Variants in OR2L2 observed in about 807,000 individuals in gnomAD.
OR2L2 encodes olfactory receptor 2L2.
For missense variants in OR2L2, 378 were observed against 375.2 expected, an observed-to-expected ratio of 1.01 and a Z score of -0.06; for synonymous variants, 156 against 135.4, an observed-to-expected ratio of 1.15 and a Z score of -1.06.
intron 1 of OR2L2, among the ~76,000 whole-genome samples, chr1:248,031,047 A>G (rs138447613): frequency 0.01 from 1,536 of 152,340 alleles, 77 homozygotes; most frequent in Admixed American, 0.081. Flanking sequence ...ATGTTTTTAA[A>G]TAGGCTTAAA....
chr1:248,030,864 A>T (rs1451067399), intron 1 of OR2L2, among the ~76,000 whole-genome samples: 1 of 152,184 alleles, frequency 6.6e-6, no homozygotes, highest in East Asian at 1.9e-4. Flanking sequence ...TCATGCTGGT[A>T]TCATTCCATT....
At chr1:248,037,252 C>T (rs975955968) in intron 2 of OR2L2, among the ~76,000 whole-genome samples, 4 of 152,200 alleles carry the variant, frequency 2.6e-5, no homozygotes, top group African/African-American at 7.2e-5. Context: ...AATTATTATG[C>T]AAAGACAATT....
rs1425766144 is a variant in OR2L2, at chr1:248,038,369, C to T, written c.102C>T (p.Phe34=). The change falls in exon 3 of 3, where the codon TTC becomes TTT. Residue 34 remains phenylalanine (F), a synonymous_variant. Transcript: ENST00000641771. ...TATTCACCCTCATTTTTCTCATTTT[C>T]CTAATGGCTCTAATTGGAAATCTAT... is the stretch of plus-strand genomic sequence containing the variant. The part of the protein sequence containing the change: ...LFVFTLIFLI[F]LMALIGNLSM... The T allele has an allele frequency of 4.3e-6, 7 of 1,613,290 alleles. No homozygotes were observed. The Admixed American group carries it at 8.3e-5, about 19-fold the overall frequency.
At chr1:248,033,622 T>G (rs1220289931) in intron 1 of OR2L2, among the ~76,000 whole-genome samples, 1 of 124,306 alleles carries the variant, frequency 8.0e-6, no homozygotes, top group African/African-American at 2.9e-5. Flanking sequence ...TTTTTTTTTT[T>G]GTACAGACAG....
At chr1:248,030,472 C>T (rs1423596874) in intron 1 of OR2L2, among the ~76,000 whole-genome samples, 1 of 152,062 alleles carries the variant, frequency 6.6e-6, no homozygotes, top group Non-Finnish European at 1.5e-5. Context: ...AAATGATGGT[C>T]AATGGAAGAG....
intron 2 of OR2L2, 93 bp from the exon 3 acceptor site, chr1:248,038,154 C>T: frequency 1.4e-6 from 1 of 727,178 alleles, no homozygotes. Flanking sequence ...AGTATCAACC[C>T]CAGTTTCAGG....
rs1401988091 is a variant in OR2L2, at chr1:248,041,010, CTAATT to C, written c.*1808_*1812del. On this transcript the variant is annotated 3_prime_UTR_variant, in exon 3 of 3. Transcript: ENST00000641771. ...CAAATGTTTATGACTTTCTTCTCCT[CTAATT>C]TAAATTAAGTAGAATTTTCTCATCA... The C allele has an allele frequency of 2.0e-5, 3 of 152,074 alleles. No homozygotes were observed. Among genetic ancestry groups the C allele is most frequent in the Admixed American group, 2.0e-4 (3 of 15,264 alleles). The allele number at this position is 152,074 out of a possible 1,614,324, so 9.4% of individuals were successfully genotyped here. A position where few individuals can be genotyped will look rare whatever the true frequency, so the allele number is the denominator to read the frequency against.
In OR2L2 at chr1:248,039,924, A is replaced by C. The variant is rs1662896436; in HGVS notation, c.*718A>C. Reference sequence around the variant, plus strand: ...GGAGCAGCCAATTTGGCTTTAGAAAAACAAGAGTTTCTGTATAAGAAGTTC... The same window carrying C: ...GGAGCAGCCAATTTGGCTTTAGAAACACAAGAGTTTCTGTATAAGAAGTTC... On this transcript the variant is annotated 3_prime_UTR_variant, in exon 3 of 3. Coordinates refer to ENST00000641771, the MANE Select transcript of OR2L2 (RefSeq NM_001385855.1). 6.6e-6 allele frequency: 1 copy of C among 152,196 alleles called. No homozygotes were observed. The highest frequency in any genetic ancestry group is 2.1e-4 in the South Asian group (1 of 4,834). 9.4% of individuals were successfully genotyped at this position (152,196 alleles called of 1,614,324 possible). A position where few individuals can be genotyped will look rare whatever the true frequency, so the allele number is the denominator to read the frequency against.
chr1:248,038,451 C>T lies in OR2L2; in HGVS notation c.184C>T (p.Leu62Phe), dbSNP rs1662829346. ...TCTCCACACACCTATGTATTTCCTACTTAGTCAGCTCTCCCTCATTGACCT... is the reference window on the plus strand; with the variant it reads ...TCTCCACACACCTATGTATTTCCTATTTAGTCAGCTCTCCCTCATTGACCT... The part of the protein sequence containing the change: ...IHLHTPMYFL[L>F]SQLSLIDLNY... The change falls in exon 3 of 3, where the codon CTT becomes TTT. Residue 62 changes from leucine (L) to phenylalanine (F), a missense_variant. Transcript: ENST00000641771. The T allele has an allele frequency of 4.3e-6, 7 of 1,613,798 alleles. No homozygotes were observed. Among genetic ancestry groups the T allele is most frequent in the Non-Finnish European group, 5.9e-6 (7 of 1,179,708 alleles).
chr1:248,036,282 T>C (rs1662758444), intron 2 of OR2L2, among the ~76,000 whole-genome samples: 1 of 152,180 alleles, frequency 6.6e-6, no homozygotes. Context: ...CACTTTCGTA[T>C]TTTGAAACTT....
chr1:248,041,208 A>G lies in OR2L2; in HGVS notation c.*2002A>G, dbSNP rs895788253. 4 of 152,182 alleles carry G rather than the reference A, an allele frequency of 2.6e-5. No homozygotes were observed. Among genetic ancestry groups the G allele is most frequent in the African/African-American group, 4.8e-5 (2 of 41,454 alleles). The allele number at this position is 152,182 out of a possible 1,614,324, so 9.4% of individuals were successfully genotyped here. ...AGAGCCCTCAGAAATAACGCCGCAT[A>G]TCTACAACTATCTGATCTTTGACAA... On this transcript the variant is annotated 3_prime_UTR_variant, in exon 3 of 3. Transcript: ENST00000641771.
At chr1:248,033,841 A>G (rs1572686514) in intron 1 of OR2L2, among the ~76,000 whole-genome samples, 1 of 151,938 alleles carries the variant, frequency 6.6e-6, no homozygotes, top group Non-Finnish European at 1.5e-5. Context: ...AAGGATGCTC[A>G]CTCTTACCTC....
chr1:248,034,530 A>G (rs1419738590), intron 1 of OR2L2, among the ~76,000 whole-genome samples: 1 of 152,208 alleles, frequency 6.6e-6, no homozygotes, highest in African/African-American at 2.4e-5. Flanking sequence ...TAGAATTTTC[A>G]TAGATTCCAT....
rs977957936 is a variant in OR2L2 at position 248,040,938 on chromosome 1, G to C, written c.*1732G>C. The C allele has an allele frequency of 6.6e-6, 1 of 152,154 alleles. No homozygotes were observed. The highest frequency in any genetic ancestry group is 2.1e-4 in the South Asian group (1 of 4,830). The allele number at this position is 152,154 out of a possible 1,614,324, so 9.4% of individuals were successfully genotyped here. A position where few individuals can be genotyped will look rare whatever the true frequency, so the allele number is the denominator to read the frequency against. On this transcript the variant is annotated 3_prime_UTR_variant, in exon 3 of 3. Transcript: ENST00000641771. ...TATACTCATTTCAATTAAGCATTTAGAGTTTACTAGAGTACTGAATAATTT... is the reference window on the plus strand; with the variant it reads ...TATACTCATTTCAATTAAGCATTTACAGTTTACTAGAGTACTGAATAATTT...
In OR2L2 at chr1:248,040,058, GCCT is replaced by G. The variant is rs1406941673; in HGVS notation, c.*857_*859del. 1 of 152,188 alleles carries G rather than the reference GCCT, an allele frequency of 6.6e-6. No homozygotes were observed. The highest frequency in any genetic ancestry group is 1.5e-5 in the Non-Finnish European group (1 of 68,050). The allele number at this position is 152,188 out of a possible 1,614,324, so 9.4% of individuals were successfully genotyped here. A position where few individuals can be genotyped will look rare whatever the true frequency, so the allele number is the denominator to read the frequency against. ...TCACGTCACAACACACTCAAGATTT[GCCT>G]CCTCAGTTGCCACGGGTATTTTCAT... On this transcript the variant is annotated 3_prime_UTR_variant, in exon 3 of 3. Transcript: ENST00000641771.
In OR2L2 at chr1:248,040,399, T is replaced by C. The variant is rs1224103398; in HGVS notation, c.*1193T>C. ...TTATCCAAGTGACAGCAGTGGTGAA[T>C]GACTGAATGGTCCTTGAGCAACACA... On this transcript the variant is annotated 3_prime_UTR_variant, in exon 3 of 3. Coordinates refer to ENST00000641771, the MANE Select transcript of OR2L2 (RefSeq NM_001385855.1). 2 of 152,220 alleles carry C rather than the reference T, an allele frequency of 1.3e-5. No individual in the cohort carries two copies. Among genetic ancestry groups the C allele is most frequent in the Non-Finnish European group, 2.9e-5 (2 of 68,060 alleles). 9.4% of individuals were successfully genotyped at this position (152,220 alleles called of 1,614,324 possible).
intron 1 of OR2L2, among the ~76,000 whole-genome samples, chr1:248,032,508 C>T (rs1370293321): frequency 6.6e-6 from 1 of 152,090 alleles, no homozygotes; most frequent in Non-Finnish European, 1.5e-5. Context: ...CAATTATTCT[C>T]CTTGACTCCC....
intron 2 of OR2L2, 22 bp from the exon 3 acceptor site, chr1:248,038,225 T>G: frequency 7.4e-7 from 1 of 1,353,028 alleles, no homozygotes; most frequent in Non-Finnish European, 1.0e-6. Flanking sequence ...TGTTCTTAAT[T>G]TACCCTTTTG....
chr1:248,038,154 CCA>C, intron 2 of OR2L2, 91 bp from the exon 3 acceptor site: 2 of 727,178 alleles, frequency 2.8e-6, no homozygotes, highest in Admixed American at 5.1e-5. Flanking sequence ...AGTATCAACC[CCA>C]GTTTCAGGCA....
Sources: gnomAD v4.1 joint callset for allele counts (sites outside exome capture counted in the v4.1 genomes callset) on GRCh38, gnomAD v4.1.1 for gene constraint, MANE v1.5 for transcripts, NCBI Gene and HGNC (gene_info 2026-07-23, HGNC 2026-07-21) for gene names.